The following GSS variants were observed in gnomAD, a reference collection of about 807,000 sequenced individuals.
The protein encoded by GSS is glutathione synthetase.
Under a neutral mutation model 60.4 loss-of-function variants are expected in GSS, and 34 were observed. The observed-to-expected ratio is 0.56, with a 90% CI of 0.43 to 0.75. The LOEUF (loss-of-function observed/expected upper bound fraction) is 0.75, where lower values mean the gene tolerates loss of function less well. Among genes scored for constraint, GSS ranks in the 30% least tolerant of loss-of-function variants. The pLI, the probability that GSS is intolerant of heterozygous loss-of-function variation, is 0.00. For synonymous variants in GSS, 224 were observed against 239.0 expected (o/e 0.94, Z 0.58); for missense variants, 499 against 595.1 (o/e 0.84, Z 1.68).
chr20:34,955,989 G>T (rs764594987), upstream of GSS: 1 of 152,322 alleles, frequency 6.6e-6, no homozygotes, highest in Non-Finnish European at 1.5e-5. Flanking sequence ...GGACCATCGG[G>T]GTCGGCGGGG....
Position 34,942,381 on chromosome 20 carries a change from G to A in GSS, c.491+107C>T, listed in dbSNP as rs931605430. On this transcript the variant is annotated intron_variant, in intron 5 of 12. Transcript: ENST00000651619. ...GGCCAGGGGCAACATGTGACCCGGGGCCCAGGAAAGCACAATCATAGCTGG... is the reference window on the plus strand; with the variant it reads ...GGCCAGGGGCAACATGTGACCCGGGACCCAGGAAAGCACAATCATAGCTGG... 5.6e-6 allele frequency: 6 copies of A among 1,063,450 alleles called. No individual in the cohort carries two copies. In the Admixed American group the frequency reaches 5.7e-5, roughly 10 times the overall value. 65.9% of individuals were successfully genotyped at this position (1,063,450 alleles called of 1,614,324 possible).
chr20:34,941,651 TG>T, intron 6 of GSS, 61 bp downstream of exon 6: 1 of 913,312 alleles, frequency 1.1e-6, no homozygotes, highest in Non-Finnish European at 1.8e-6. Context: ...GAAAAGAAGT[TG>T]CTAAACCCAT....
At chr20:34,955,222 A>C (rs1164203375) in intron 1 of GSS, 1 of 152,198 alleles carries the variant, frequency 6.6e-6, no homozygotes, top group Non-Finnish European at 1.5e-5. Flanking sequence ...CCTAGTAATT[A>C]GCCGCGCTTA....
rs550185474 is a variant in GSS, at chr20:34,935,124, T to C, written c.834+452A>G. 2.0e-5 allele frequency among the ~76,000 whole-genome samples: 3 copies of C among 152,238 alleles called. No homozygotes were observed. In the East Asian group the frequency reaches 5.8e-4, roughly 29 times the overall value. On this transcript the variant is annotated intron_variant, in intron 9 of 12. Transcript: ENST00000651619. ...TGGTTGTGAGGGTTAAATGAAATAA[T>C]GGATGTGGAAACTAATGAAACTACA...
intron 6 of GSS, among the ~76,000 whole-genome samples, chr20:34,938,358 C>G (rs942462023): frequency 3.3e-5 from 5 of 152,210 alleles, no homozygotes; most frequent in Non-Finnish European, 2.9e-5. Context: ...CTCCTTTCTG[C>G]TTAGCCAAAA....
At chr20:34,930,742 T>C (rs1421410609) in intron 11 of GSS, among the ~76,000 whole-genome samples, 1 of 151,964 alleles carries the variant, frequency 6.6e-6, no homozygotes, top group Non-Finnish European at 1.5e-5. Flanking sequence ...AAATCCAATT[T>C]CTCAGTATAT....
At position 34,951,758 on chromosome 20, in the gene GSS, A is replaced by G; in HGVS notation, c.95T>C (p.Leu32Ser). Residue 32 changes from leucine to serine, a missense_variant, in exon 2 of 13, where the codon TTG becomes TCG. Transcript: ENST00000651619. ...AVDRALAEGV[L>S]LRTSQEPTSS... The stretch of plus-strand genomic sequence containing the variant: ...AGTGGGCTCCTGTGAGGTCCTCAGC[A>G]ATACTCCCTCAGCCAGGGCCCGGTC... 1 of 1,612,596 alleles carries G rather than the reference A, an allele frequency of 6.2e-7. No individual in the cohort carries two copies. The highest frequency in any genetic ancestry group is 8.5e-7 in the Non-Finnish European group (1 of 1,179,262).
Position 34,946,048 on chromosome 20 carries a change from G to A in GSS, c.180C>T (p.Ala60=). 6.2e-7 allele frequency: 1 copy of A among 1,613,216 alleles called. No individual in the cohort carries two copies. The highest frequency in any genetic ancestry group is 8.5e-7 in the Non-Finnish European group (1 of 1,179,148). The part of the protein sequence containing the change: ...FTLFPSLVPS[A]LLEQAYAVQM... ...GCACAGCATAGGCTTGCTCCAGCAG[G>A]GCACTGGGGACCAGTGAGGGGAAGA... Residue 60 remains alanine, a synonymous_variant, in exon 3 of 13, where the codon GCC becomes GCT. Transcript: ENST00000651619.
intron 2 of GSS, among the ~76,000 whole-genome samples, chr20:34,951,094 A>T (rs1228082889): frequency 6.6e-6 from 1 of 152,178 alleles, no homozygotes; most frequent in Non-Finnish European, 1.5e-5. Context: ...AAATAATGAG[A>T]AATCACCTAA....
rs746276492 is a variant in GSS, at chr20:34,943,020, CAG to C, written c.276-16_276-15del. The C allele has an allele frequency of 3.1e-6, 5 of 1,592,626 alleles. No individual in the cohort carries two copies. Among genetic ancestry groups the C allele is most frequent in the African/African-American group, 1.3e-5 (1 of 74,578 alleles). ...TGTTTGATGGTGCTGGAGGAAGAAA[CAG>C]AGAACATTTTGCAGGCTTAATTGGA... On this transcript the variant is annotated splice_polypyrimidine_tract_variant and intron_variant, in intron 3 of 12. Transcript: ENST00000651619.
At position 34,936,842 on chromosome 20, in the gene GSS, T is replaced by C. The variant is rs747309719; in HGVS notation, c.690-2A>G. ...GTTCGTCGGATCACATGGATGTTCC[T>C]GGGAAAAATGGGCAAGAGCCAGAGG... On this transcript the variant is annotated splice_acceptor_variant, in intron 7 of 12. Coordinates refer to ENST00000651619, the MANE Select transcript of GSS (RefSeq NM_000178.4). LOFTEE classifies it high-confidence loss of function. 1 of 1,613,862 alleles carries C rather than the reference T, an allele frequency of 6.2e-7. No homozygotes were observed. The highest frequency in any genetic ancestry group is 8.5e-7 in the Non-Finnish European group (1 of 1,179,748).
intron 2 of GSS, 58 bp downstream of exon 2, chr20:34,951,666 T>G: frequency 1.3e-6 from 2 of 1,558,234 alleles, no homozygotes; most frequent in Admixed American, 3.8e-5. Flanking sequence ...ACCCTCAGCC[T>G]GGCCGGGGCC....
intron 9 of GSS, 143 bp from the exon 10 acceptor site, chr20:34,932,276 A>T: frequency 1.3e-6 from 1 of 760,582 alleles, no homozygotes. Flanking sequence ...CATCCTTGTG[A>T]GCCAGGTGTG....
At chr20:34,940,374 C>T (rs1422559239) in intron 6 of GSS, among the ~76,000 whole-genome samples, 1 of 152,218 alleles carries the variant, frequency 6.6e-6, no homozygotes, top group South Asian at 2.1e-4. Context: ...AGCCAATATA[C>T]TTGAAAGAAT....
intron 1 of GSS, chr20:34,952,078 T>G: frequency 1.7e-6 from 1 of 594,490 alleles, no homozygotes; most frequent in South Asian, 1.9e-5. Context: ...TGCCACTCTC[T>G]CTTTTGATTC....
chr20:34,945,933 A>C lies in GSS; in HGVS notation c.275+20T>G, dbSNP rs734111. 1,008,800 of 1,611,838 alleles carry C rather than the reference A, an allele frequency of 0.63. 323,151 individuals are homozygous for C. Among genetic ancestry groups the C allele is most frequent in the African/African-American group, 0.91 (68,454 of 74,982 alleles). On this transcript the variant is annotated intron_variant, in intron 3 of 12. Transcript: ENST00000651619. ...TGGCTCTGGCAGCTCCTGGCCCCCCAATGCTTCACTGTCCCCTACCTGGAA... is the reference window on the plus strand; with the variant it reads ...TGGCTCTGGCAGCTCCTGGCCCCCCCATGCTTCACTGTCCCCTACCTGGAA...
chr20:34,939,416 C>A (rs1305444748), intron 6 of GSS, among the ~76,000 whole-genome samples: 1 of 152,096 alleles, frequency 6.6e-6, no homozygotes, highest in Non-Finnish European at 1.5e-5. Flanking sequence ...TTTTAAAAAT[C>A]ATGAGATAAT....
At chr20:34,953,700 C>T (rs2081587248) in intron 1 of GSS, among the ~76,000 whole-genome samples, 1 of 151,496 alleles carries the variant, frequency 6.6e-6, no homozygotes, top group Admixed American at 6.6e-5. Context: ...ACTGCAAGCT[C>T]CGCCTCCTGG....
intron 9 of GSS, among the ~76,000 whole-genome samples, chr20:34,934,367 C>T (rs2081424615): frequency 6.6e-6 from 1 of 151,090 alleles, no homozygotes. Flanking sequence ...ACCTCTGCCT[C>T]CCGGGCTCAA....
Sources: gnomAD v4.1 joint callset for allele counts (sites outside exome capture counted in the v4.1 genomes callset) on GRCh38, gnomAD v4.1.1 for gene constraint, MANE v1.5 for transcripts, NCBI Gene and HGNC (gene_info 2026-07-23, HGNC 2026-07-21) for gene names.